The following SNTG1 variants were observed in gnomAD, a reference collection of about 807,000 sequenced individuals.
The protein encoded by SNTG1 is gamma-1-syntrophin.
A neutral mutation model predicts 74.7 loss-of-function variants in SNTG1; 39 were observed. The observed-to-expected ratio is 0.52, with a 90% confidence interval of 0.40 to 0.68. SNTG1 has a LOEUF of 0.68. SNTG1 is among the 30% of genes least tolerant of loss of function. SNTG1 has a pLI of 0.00. For missense variants in SNTG1, 685 were observed against 609.5 expected, an observed-to-expected ratio of 1.12 and a Z score of -1.30; for synonymous variants, 254 against 217.1, an observed-to-expected ratio of 1.17 and a Z score of -1.49.
chr8:50,713,634 CAGTCTTATATTTA>C lies in SNTG1; in HGVS notation c.1284+4664_1284+4676del, dbSNP rs796562189. 3.1e-3 allele frequency among the ~76,000 whole-genome samples: 478 copies of C among 151,866 alleles called. 4 individuals are homozygous for C. Among genetic ancestry groups the C allele is most frequent in the African/African-American group, 0.011 (460 of 41,474 alleles). On this transcript the variant is annotated intron_variant, in intron 17 of 18. Transcript: ENST00000642720. ...TTTCTTCTAGAGTTTTTATGGTTTTCAGTCTTATATTTAAGTCTTACGTTTAAGTCTTTAATCC... is the reference window on the plus strand; with the variant it reads ...TTTCTTCTAGAGTTTTTATGGTTTTCAGTCTTACGTTTAAGTCTTTAATCC...
intron 17 of SNTG1, among the ~76,000 whole-genome samples, chr8:50,710,078 T>C (rs752926674): frequency 6.6e-6 from 1 of 152,182 alleles, no homozygotes; most frequent in African/African-American, 2.4e-5. Flanking sequence ...CCGCCCTGTG[T>C]TCATTCACCT....
chr8:50,230,381 A>G (rs2085555916), intron 2 of SNTG1, among the ~76,000 whole-genome samples: 1 of 151,288 alleles, frequency 6.6e-6, no homozygotes, highest in Non-Finnish European at 1.5e-5. Flanking sequence ...GTCACTACAG[A>G]CCCTGGAAAA....
At chr8:50,031,346 T>A (rs1270873221) in intron 1 of SNTG1, among the ~76,000 whole-genome samples, 1 of 152,082 alleles carries the variant, frequency 6.6e-6, no homozygotes, top group Non-Finnish European at 1.5e-5. Flanking sequence ...TTACTTGCCT[T>A]ACTGGACTGT....
intron 9 of SNTG1, among the ~76,000 whole-genome samples, chr8:50,505,175 T>C (rs1337835419): frequency 6.6e-6 from 1 of 152,176 alleles, no homozygotes; most frequent in Non-Finnish European, 1.5e-5. Flanking sequence ...TTCATTCCTA[T>C]TTAAGAATGA....
chr8:50,465,973 T>C (rs1774834542), intron 8 of SNTG1, among the ~76,000 whole-genome samples: 1 of 152,154 alleles, frequency 6.6e-6, no homozygotes, highest in Admixed American at 6.5e-5. Flanking sequence ...TTCTGAATTA[T>C]ATTGAGAGAC....
chr8:50,606,381 T>A (rs1422203718), intron 13 of SNTG1, among the ~76,000 whole-genome samples: 1 of 152,106 alleles, frequency 6.6e-6, no homozygotes, highest in African/African-American at 2.4e-5. Flanking sequence ...GCATACTTTA[T>A]CAGATTTATT....
intron 8 of SNTG1, among the ~76,000 whole-genome samples, chr8:50,492,267 G>A (rs1323610510): frequency 6.6e-6 from 1 of 152,072 alleles, no homozygotes; most frequent in Non-Finnish European, 1.5e-5. Flanking sequence ...AGGATTGGTG[G>A]GTTAAATGGT....
intron 13 of SNTG1, among the ~76,000 whole-genome samples, chr8:50,649,584 G>A (rs2095131814): frequency 4.6e-5 from 7 of 152,106 alleles, no homozygotes; most frequent in Admixed American, 4.6e-4. Flanking sequence ...ATCTCTTTCT[G>A]TCCTTTTAAT....
intron 18 of SNTG1, among the ~76,000 whole-genome samples, chr8:50,760,120 T>C (rs929789928): frequency 6.6e-6 from 1 of 152,012 alleles, no homozygotes; most frequent in Non-Finnish European, 1.5e-5. Flanking sequence ...TGAATGGGAG[T>C]TCACTCATGA....
At chr8:50,617,485 A>T (rs1359016537) in intron 13 of SNTG1, among the ~76,000 whole-genome samples, 3 of 152,200 alleles carry the variant, frequency 2.0e-5, no homozygotes, top group Admixed American at 6.5e-5. Flanking sequence ...CTAAGAAAAT[A>T]TAAGGCCTGT....
intron 1 of SNTG1, among the ~76,000 whole-genome samples, chr8:49,988,202 T>C (rs939496624): frequency 3.9e-5 from 6 of 152,014 alleles, no homozygotes; most frequent in Non-Finnish European, 5.9e-5. Context: ...GGGATAAAAA[T>C]GGGCGTGCAG....
intron 17 of SNTG1, among the ~76,000 whole-genome samples, chr8:50,739,511 C>G (rs1338967131): frequency 6.6e-6 from 1 of 152,012 alleles, no homozygotes; most frequent in Non-Finnish European, 1.5e-5. Flanking sequence ...ATGGCAATTC[C>G]TCAAAGATCT....
intron 2 of SNTG1, among the ~76,000 whole-genome samples, chr8:50,255,908 T>C (rs2086857798): frequency 1.3e-5 from 2 of 152,136 alleles, no homozygotes; most frequent in Admixed American, 1.3e-4. Flanking sequence ...CCACTAATGT[T>C]TTCCATTACC....
intron 1 of SNTG1, among the ~76,000 whole-genome samples, chr8:50,026,975 T>G (rs1297743110): frequency 1.3e-5 from 2 of 152,188 alleles, no homozygotes; most frequent in African/African-American, 4.8e-5. Flanking sequence ...TTCCATTCCC[T>G]CTGGGCAAAG....
intron 2 of SNTG1, among the ~76,000 whole-genome samples, chr8:50,351,243 G>A (rs1343078155): frequency 6.6e-6 from 1 of 152,194 alleles, no homozygotes; most frequent in Admixed American, 6.5e-5. Flanking sequence ...TTCTCAAGTT[G>A]TGGGAGTTTC....
intron 11 of SNTG1, among the ~76,000 whole-genome samples, chr8:50,546,628 C>T (rs772756509): frequency 2.0e-5 from 3 of 149,650 alleles, no homozygotes; most frequent in East Asian, 2.0e-4. Flanking sequence ...TGAGAACATG[C>T]GGTGTTTGGA....
intron 4 of SNTG1, among the ~76,000 whole-genome samples, chr8:50,404,607 C>T (rs2092847576): frequency 6.6e-6 from 1 of 151,764 alleles, no homozygotes; most frequent in South Asian, 2.1e-4. Flanking sequence ...AATAGACCCA[C>T]TCTTATATGG....
At chr8:50,040,463 G>T (rs1818542098) in intron 1 of SNTG1, among the ~76,000 whole-genome samples, 1 of 151,968 alleles carries the variant, frequency 6.6e-6, no homozygotes, top group Non-Finnish European at 1.5e-5. Flanking sequence ...ATCTTAATTT[G>T]TTAGTGGCCA....
At chr8:49,923,396 AT>A (rs1458739021) in intron 1 of SNTG1, among the ~76,000 whole-genome samples, 6 of 152,254 alleles carry the variant, frequency 3.9e-5, no homozygotes, top group Admixed American at 6.5e-5. Flanking sequence ...AATTATTTAC[AT>A]TATTTTTATA....
Sources: allele counts gnomAD v4.1 joint callset (sites outside exome capture counted in the v4.1 genomes callset), GRCh38; gene constraint gnomAD v4.1.1; transcripts MANE v1.5; gene names NCBI Gene and HGNC (gene_info 2026-07-23, HGNC 2026-07-21).